The following CCSER1 variants were observed in gnomAD, a reference collection of about 807,000 sequenced individuals.
CCSER1 encodes coiled-coil serine rich protein 1.
In CCSER1, 41 loss-of-function variants were observed where a neutral mutation model predicts 82.0. The ratio of observed to expected loss-of-function variants is 0.50; its 90% CI spans 0.39 to 0.65. The LOEUF is 0.65. Ranked by LOEUF, CCSER1 falls within the 30% of genes least tolerant of loss-of-function variation. The pLI is 0.00. For synonymous variants in CCSER1, 414 were observed against 383.9 expected, an observed-to-expected ratio of 1.08 and a Z score of -0.92; for missense variants, 1,119 against 1,064.2, an observed-to-expected ratio of 1.05 and a Z score of -0.72.
At chr4:90,602,676 C>T (rs1181094392) in intron 5 of CCSER1, among the ~76,000 whole-genome samples, 2 of 152,130 alleles carry the variant, frequency 1.3e-5, no homozygotes, top group Non-Finnish European at 2.9e-5. Context: ...TTACCCATGA[C>T]AAAGCAAACA....
intron 9 of CCSER1, among the ~76,000 whole-genome samples, chr4:91,068,141 A>G (rs1450754292): frequency 3.3e-5 from 5 of 152,246 alleles, no homozygotes; most frequent in African/African-American, 1.2e-4. Context: ...GAACTAAAAT[A>G]TACTCAATTA....
intron 10 of CCSER1, among the ~76,000 whole-genome samples, chr4:91,276,840 G>GT (rs142272434): frequency 0.027 from 4,079 of 151,974 alleles, 216 homozygotes; most frequent in East Asian, 0.22. Flanking sequence ...CTATAAGGCA[G>GT]TTTTTTTGAG....
chr4:90,586,689 T>C (rs1180773090), intron 5 of CCSER1, among the ~76,000 whole-genome samples: 1 of 152,182 alleles, frequency 6.6e-6, no homozygotes, highest in African/African-American at 2.4e-5. Flanking sequence ...TTTCTTTAGA[T>C]TACTTTAAAT....
intron 10 of CCSER1, among the ~76,000 whole-genome samples, chr4:91,144,360 G>A (rs572456119): frequency 1.3e-5 from 2 of 151,810 alleles, no homozygotes; most frequent in African/African-American, 2.4e-5. Context: ...TTTTTTCTCT[G>A]TGAGTCTAGA....
intron 10 of CCSER1, among the ~76,000 whole-genome samples, chr4:91,307,780 G>T (rs1256295007): frequency 6.6e-6 from 1 of 151,940 alleles, no homozygotes; most frequent in Non-Finnish European, 1.5e-5. Flanking sequence ...CATTTGAATT[G>T]TAATTGTTGC....
chr4:90,328,673 C>T (rs1045105427), intron 3 of CCSER1, among the ~76,000 whole-genome samples: 3 of 152,112 alleles, frequency 2.0e-5, no homozygotes, highest in African/African-American at 7.2e-5. Context: ...CTTGGCAACC[C>T]CCAGAGACAC....
chr4:90,606,347 G>A (rs1412856925), intron 5 of CCSER1, among the ~76,000 whole-genome samples: 3 of 152,126 alleles, frequency 2.0e-5, no homozygotes, highest in Admixed American at 6.5e-5. Context: ...ACATTATAAC[G>A]CAGTTGTAAT....
intron 8 of CCSER1, among the ~76,000 whole-genome samples, chr4:90,844,231 G>A (rs1762927077): frequency 6.6e-6 from 1 of 151,246 alleles, no homozygotes; most frequent in Admixed American, 6.8e-5. Flanking sequence ...GAGAGAGAGA[G>A]AAAGAGAGGA....
chr4:90,674,140 G>T (rs1227245899), intron 6 of CCSER1, among the ~76,000 whole-genome samples: 2 of 151,978 alleles, frequency 1.3e-5, no homozygotes, highest in Non-Finnish European at 1.5e-5. Context: ...TAAAGGAGGA[G>T]AAAGTACTTA....
chr4:90,183,614 T>C (rs1437012693), intron 1 of CCSER1, among the ~76,000 whole-genome samples: 6 of 152,172 alleles, frequency 3.9e-5, no homozygotes, highest in Non-Finnish European at 8.8e-5. Context: ...CAATGAACTA[T>C]GTTATAATAA....
At chr4:91,103,847 C>T (rs780755201) in intron 10 of CCSER1, among the ~76,000 whole-genome samples, 3 of 152,032 alleles carry the variant, frequency 2.0e-5, no homozygotes, top group Non-Finnish European at 4.4e-5. Flanking sequence ...GTGTGACTGC[C>T]TGCGGGGTCG....
At chr4:90,749,476 C>T (rs1748177056) in intron 7 of CCSER1, among the ~76,000 whole-genome samples, 1 of 151,972 alleles carries the variant, frequency 6.6e-6, no homozygotes, top group African/African-American at 2.4e-5. Flanking sequence ...TAGCGTGATG[C>T]CTCTAGCTTT....
intron 10 of CCSER1, among the ~76,000 whole-genome samples, chr4:91,356,490 GA>G (rs1236259676): frequency 6.6e-6 from 1 of 152,178 alleles, no homozygotes; most frequent in Non-Finnish European, 1.5e-5. Flanking sequence ...TGTGAGAGTT[GA>G]AAGACCTATA....
At chr4:90,779,287 T>C (rs1753413953) in intron 7 of CCSER1, among the ~76,000 whole-genome samples, 1 of 152,204 alleles carries the variant, frequency 6.6e-6, no homozygotes, top group African/African-American at 2.4e-5. Context: ...GTTTTCTTCC[T>C]CTTTTTCTGT....
intron 8 of CCSER1, among the ~76,000 whole-genome samples, chr4:90,832,021 C>G (rs546641546): frequency 6.6e-6 from 1 of 152,040 alleles, no homozygotes; most frequent in Admixed American, 6.6e-5. Context: ...ATGTTCAAAA[C>G]TCTGATTAGT....
intron 1 of CCSER1, among the ~76,000 whole-genome samples, chr4:90,154,459 T>C (rs1419075427): frequency 1.3e-5 from 2 of 152,128 alleles, no homozygotes; most frequent in Non-Finnish European, 2.9e-5. Context: ...AATCTATAAA[T>C]TACCTTGGGC....
intron 9 of CCSER1, among the ~76,000 whole-genome samples, chr4:91,045,217 TTCTAAG>T (rs762771277): frequency 7.2e-5 from 11 of 152,210 alleles, no homozygotes; most frequent in Non-Finnish European, 1.0e-4. Flanking sequence ...CCTTTTTAAC[TTCTAAG>T]TCTGTCAAGT....
intron 7 of CCSER1, among the ~76,000 whole-genome samples, chr4:90,789,344 TTC>T (rs1171025125): frequency 1.3e-5 from 2 of 152,202 alleles, no homozygotes; most frequent in African/African-American, 2.4e-5. Context: ...AATTTATTTT[TTC>T]TCTTTTGTTT....
intron 1 of CCSER1, among the ~76,000 whole-genome samples, chr4:90,302,388 G>A (rs982442815): frequency 2.0e-5 from 3 of 152,292 alleles, no homozygotes; most frequent in Admixed American, 6.5e-5. Flanking sequence ...GTCAGGGATG[G>A]CAACTTGGAA....
Sources: gnomAD v4.1 joint callset for allele counts (sites outside exome capture counted in the v4.1 genomes callset) on GRCh38, gnomAD v4.1.1 for gene constraint, MANE v1.5 for transcripts, NCBI Gene and HGNC (gene_info 2026-07-23, HGNC 2026-07-21) for gene names.